The following DAGLA variants were observed in gnomAD, a reference collection of about 807,000 sequenced individuals.
DAGLA encodes diacylglycerol lipase alpha.
In DAGLA, 22 loss-of-function variants were observed where a neutral mutation model predicts 102.6. That is an observed-to-expected ratio of 0.21 (90% CI 0.15 to 0.31). The LOEUF is 0.31. DAGLA is among the 10% of genes least tolerant of loss of function. The pLI, the probability that DAGLA is intolerant of heterozygous loss-of-function variation, is 1.00. For synonymous variants in DAGLA, 578 were observed against 628.9 expected, an observed-to-expected ratio of 0.92 and a Z score of 1.21; for missense variants, 927 against 1,446.6, an observed-to-expected ratio of 0.64 and a Z score of 5.83.
chr11:61,744,558 C>T lies in DAGLA; in HGVS notation c.*69C>T. 2 of 1,356,616 alleles carry T rather than the reference C, an allele frequency of 1.5e-6. No homozygotes were observed. The highest frequency in any genetic ancestry group is 2.0e-6 in the Non-Finnish European group (2 of 997,362). The allele number at this position is 1,356,616 out of a possible 1,614,324, so 84.0% of individuals were successfully genotyped here. ...GCCCTGTGGGCACCTGGTGCCTGCC[C>T]CCTGCCGGGCAGCTTTAAGGACAGA... On this transcript the variant is annotated 3_prime_UTR_variant, in exon 20 of 20. Transcript: ENST00000257215.
At chr11:61,688,515 G>A (rs1169323007) in intron 1 of DAGLA, among the ~76,000 whole-genome samples, 1 of 152,220 alleles carries the variant, frequency 6.6e-6, no homozygotes, top group Non-Finnish European at 1.5e-5. Flanking sequence ...GTGTGGCCAG[G>A]AGTGGGGCGG....
rs567697413 is a variant in DAGLA at position 61,737,903 on chromosome 11, T to C, written c.1583+148T>C. 57 of 782,304 alleles carry C rather than the reference T, an allele frequency of 7.3e-5. No homozygotes were observed. In the Middle Eastern group the frequency reaches 9.0e-4, roughly 12 times the overall value. 48.5% of individuals were successfully genotyped at this position (782,304 alleles called of 1,614,324 possible). A position where few individuals can be genotyped will look rare whatever the true frequency, so the allele number is the denominator to read the frequency against. ...CCCCTCCCCACCCTTAGTTGCCCAG[T>C]GGTGAGAAGCCCAGGTGAACGCACG... On this transcript the variant is annotated intron_variant, in intron 15 of 19. Transcript: ENST00000257215.
chr11:61,723,125 C>T (rs558987316), intron 4 of DAGLA, among the ~76,000 whole-genome samples, 165 bp downstream of exon 4: 2 of 152,190 alleles, frequency 1.3e-5, no homozygotes, highest in Non-Finnish European at 2.9e-5. Context: ...TTGAGGCCTG[C>T]CAGCTACCTG....
Position 61,741,150 on chromosome 11 carries a change from T to C in DAGLA, c.1984-12T>C, listed in dbSNP as rs1279316728. 1 of 1,608,810 alleles carries C rather than the reference T, an allele frequency of 6.2e-7. No homozygotes were observed. The highest frequency in any genetic ancestry group is 8.5e-7 in the Non-Finnish European group (1 of 1,178,724). On this transcript the variant is annotated splice_polypyrimidine_tract_variant and intron_variant, in intron 18 of 19. Transcript: ENST00000257215. Reference sequence around the variant, plus strand: ...CCTCCACCACCCCCAGCCTCCTCTGTCCTGTCCTCAGGTGCTGGAGAACTA... The same window carrying C: ...CCTCCACCACCCCCAGCCTCCTCTGCCCTGTCCTCAGGTGCTGGAGAACTA...
intron 6 of DAGLA, among the ~76,000 whole-genome samples, chr11:61,727,619 C>CCCCT (rs1565259483): frequency 6.6e-6 from 1 of 152,206 alleles, no homozygotes; most frequent in African/African-American, 2.4e-5. Context: ...GAGAGTACAC[C>CCCCT]CCCTTCTAGG....
In DAGLA at chr11:61,743,991, CGAG is replaced by C. The variant is rs1478792944; in HGVS notation, c.2637_2639del (p.Glu881del). 2.5e-6 allele frequency: 4 copies of C among 1,612,006 alleles called. No homozygotes were observed. Among genetic ancestry groups the C allele is most frequent in the Admixed American group, 3.3e-5 (2 of 59,992 alleles). On this transcript the variant is annotated inframe_deletion, in exon 20 of 20. Transcript: ENST00000257215. Reference sequence around the variant, plus strand: ...GGCCCCCCAGTGCTGCGGCCAATGACGAGGAGGAAGAGGTTGGCGGTGGGGGTG... The same window carrying C: ...GGCCCCCCAGTGCTGCGGCCAATGACGAGGAAGAGGTTGGCGGTGGGGGTG...
At chr11:61,702,416 G>A (rs572580003) in intron 1 of DAGLA, among the ~76,000 whole-genome samples, 3 of 152,316 alleles carry the variant, frequency 2.0e-5, no homozygotes, top group Admixed American at 1.3e-4. Flanking sequence ...GCACCTTAAG[G>A]CTCCGAGTCT....
At chr11:61,681,037 C>T (rs2064937773) in intron 1 of DAGLA, among the ~76,000 whole-genome samples, 1 of 152,102 alleles carries the variant, frequency 6.6e-6, no homozygotes, top group South Asian at 2.1e-4. Context: ...GAGTTCCTGG[C>T]ATGACTGTGA....
Position 61,744,342 on chromosome 11 carries a change from C to T in DAGLA, c.2982C>T (p.Leu994=), listed in dbSNP as rs760839501. The stretch of plus-strand genomic sequence containing the variant: ...TCTCACTCTCGCCCTCCTTCCCGCT[C>T]AGCTCCTCGGGTGAGCTCATGGACC... ...SGISLSPSFP[L]SSSGELMDLT... is the part of the protein sequence containing the mutation. Residue 994 remains leucine (L), a synonymous_variant, in exon 20 of 20, where the codon CTC becomes CTT. Transcript: ENST00000257215. 1.2e-6 allele frequency: 2 copies of T among 1,612,568 alleles called. No homozygotes were observed. Among genetic ancestry groups the T allele is most frequent in the Non-Finnish European group, 1.7e-6 (2 of 1,179,760 alleles).
intron 19 of DAGLA, 118 bp downstream of exon 19, chr11:61,741,467 G>A (rs2065479227): frequency 1.7e-6 from 2 of 1,153,130 alleles, no homozygotes; most frequent in South Asian, 1.6e-5. Flanking sequence ...GTGCACAGGA[G>A]GGGTCAAACT....
chr11:61,699,880 A>G (rs1281186669), intron 1 of DAGLA, among the ~76,000 whole-genome samples: 3 of 151,466 alleles, frequency 2.0e-5, no homozygotes, highest in African/African-American at 7.3e-5. Flanking sequence ...TGCTGCTCAC[A>G]CCTGGCTGAC....
chr11:61,743,855 C>T lies in DAGLA; in HGVS notation c.2495C>T (p.Pro832Leu), dbSNP rs771577277. ...YIDPAIPEEN[P>L]SLSSRTELLA... The stretch of plus-strand genomic sequence containing the variant: ...GACCCTGCCATCCCCGAGGAAAACC[C>T]ATCCCTGAGCTCGCGCACTGAGCTG... The change falls in exon 20 of 20, where the codon CCA (proline) becomes CTA (leucine). Residue 832 changes from proline to leucine, a missense_variant. Around this residue, in one of 4 missense-constraint regions of DAGLA, gnomAD observed 434 missense variants for 503.3 expected, o/e 0.86. Transcript: ENST00000257215. The T allele has an allele frequency of 5.6e-6, 9 of 1,612,428 alleles. No homozygotes were observed. The highest frequency in any genetic ancestry group is 7.6e-6 in the Non-Finnish European group (9 of 1,179,942).
chr11:61,724,580 C>T (rs558363352), intron 5 of DAGLA, among the ~76,000 whole-genome samples: 4 of 152,312 alleles, frequency 2.6e-5, no homozygotes, highest in African/African-American at 4.8e-5. Context: ...GAATTCTCAC[C>T]GTCCCACCCT....
At chr11:61,692,815 C>G (rs1488407306) in intron 1 of DAGLA, among the ~76,000 whole-genome samples, 1 of 151,556 alleles carries the variant, frequency 6.6e-6, no homozygotes, top group African/African-American at 2.4e-5. Flanking sequence ...GTGGACTACT[C>G]CACAATAATG....
Position 61,737,455 on chromosome 11 carries a change from G to A in DAGLA, c.1514+131G>A, listed in dbSNP as rs922683050. The stretch of plus-strand genomic sequence containing the variant: ...TGGAGGTCTGGGAGTGGCCTGGAGG[G>A]TGGAGGGTGGGGGCTCTGAAATGCC... On this transcript the variant is annotated intron_variant, in intron 14 of 19. Transcript: ENST00000257215. 17 of 1,352,330 alleles carry A rather than the reference G, an allele frequency of 1.3e-5. No individual in the cohort carries two copies. The Middle Eastern group carries it at 5.9e-4, about 47-fold the overall frequency. 83.8% of individuals were successfully genotyped at this position (1,352,330 alleles called of 1,614,324 possible). A position where few individuals can be genotyped will look rare whatever the true frequency, so the allele number is the denominator to read the frequency against.
rs1444219840 is a variant in DAGLA at position 61,746,954 on chromosome 11, G to T, written c.*2465G>T. ...TTCTATAAATATATCTGTATATAAA[G>T]GTTTCTGTATATTGTATAGAGCTGT... On this transcript the variant is annotated 3_prime_UTR_variant, in exon 20 of 20. Transcript: ENST00000257215. 1 of 152,464 alleles carries T rather than the reference G, an allele frequency of 6.6e-6. No individual in the cohort carries two copies. The allele number at this position is 152,464 out of a possible 1,614,324, so 9.4% of individuals were successfully genotyped here. A position where few individuals can be genotyped will look rare whatever the true frequency, so the allele number is the denominator to read the frequency against.
At chr11:61,710,726 C>T (rs1332844538) in intron 1 of DAGLA, among the ~76,000 whole-genome samples, 4 of 152,100 alleles carry the variant, frequency 2.6e-5, no homozygotes, top group African/African-American at 9.7e-5. Flanking sequence ...TGACTTAGAT[C>T]GCGGAGAGTT....
intron 1 of DAGLA, among the ~76,000 whole-genome samples, chr11:61,685,727 G>T (rs1487274784): frequency 6.6e-6 from 1 of 152,112 alleles, no homozygotes; most frequent in Non-Finnish European, 1.5e-5. Context: ...GGGAGACTCG[G>T]GTGGCCACGG....
chr11:61,688,527 A>C (rs906011528), intron 1 of DAGLA, among the ~76,000 whole-genome samples: 3 of 152,078 alleles, frequency 2.0e-5, no homozygotes, highest in Non-Finnish European at 2.9e-5. Context: ...GTGGGGCGGG[A>C]GATCCTTAGA....
Sources: allele counts gnomAD v4.1 joint callset (sites outside exome capture counted in the v4.1 genomes callset), GRCh38; gene constraint gnomAD v4.1.1; regional missense constraint gnomAD v4.1.1; transcripts MANE v1.5; gene names NCBI Gene and HGNC (gene_info 2026-07-23, HGNC 2026-07-21).